COL11A2: variants seen among roughly 807,000 people sequenced by gnomAD.
COL11A2 encodes collagen type XI alpha 2 chain, also known as collagen alpha-2(XI) chain.
In COL11A2, 116 loss-of-function variants were observed where a neutral mutation model predicts 273.4. That is an observed-to-expected ratio of 0.42 (90% CI 0.36 to 0.49). The LOEUF is 0.49. COL11A2 is among the 20% of genes least tolerant of loss of function. The probability of loss-of-function intolerance (pLI) is 0.00; values close to 1 mark genes in which losing one functional copy is unlikely to be tolerated. For missense variants in COL11A2, 1,866 were observed against 2,309.0 expected, an observed-to-expected ratio of 0.81 and a Z score of 3.93; for synonymous variants, 782 against 864.2, an observed-to-expected ratio of 0.90 and a Z score of 1.67.
At chr6:33,174,436 G>A in intron 31 of COL11A2, 91 bp downstream of exon 31, 1 of 1,523,636 alleles carries the variant, frequency 6.6e-7, no homozygotes, top group Non-Finnish European at 9.0e-7. Context: ...GTCCCCCACT[G>A]CCCTGCATCT....
rs1465511059 is a variant in COL11A2, at chr6:33,179,264, G to C, written c.1524C>G (p.Gly508=). ...CTAAGTCTCCAGACTCTCCTTTCAG[G>C]CCAGGGCTCCCAGGTTGGCCCTGGG... is the stretch of plus-strand genomic sequence containing the variant. ...PGPLGQPGSP[G]LKGESGDLGP... is the part of the protein sequence containing the mutation. Residue 508 remains glycine (G), a synonymous_variant, in exon 15 of 66, where the codon GGC becomes GGG. Transcript: ENST00000341947. This position sits in a 1 kb window ranked among gnomAD's most constrained non-coding sequence, Gnocchi z 6.4. The C allele has an allele frequency of 6.2e-7, 1 of 1,611,500 alleles. No homozygotes were observed. Among genetic ancestry groups the C allele is most frequent in the South Asian group, 1.1e-5 (1 of 90,304 alleles).
Position 33,179,037 on chromosome 6 carries a change from C to T in COL11A2, c.1611+36G>A. On this transcript the variant is annotated intron_variant, in intron 16 of 65. Transcript: ENST00000341947. This position sits in a 1 kb window ranked among gnomAD's most constrained non-coding sequence, Gnocchi z 6.4. Reference sequence around the variant, plus strand: ...CAGTCCCCTACCCTGCAGGCCCTGTCTCCCCACAACACCCATCCACCCCTG... The same window carrying T: ...CAGTCCCCTACCCTGCAGGCCCTGTTTCCCCACAACACCCATCCACCCCTG... 6.2e-7 allele frequency: 1 copy of T among 1,614,094 alleles called. No homozygotes were observed. The highest frequency in any genetic ancestry group is 8.5e-7 in the Non-Finnish European group (1 of 1,179,966).
At position 33,165,805 on chromosome 6, in the gene COL11A2, G is replaced by T. The variant is rs576235181; in HGVS notation, c.4494C>A (p.Gly1498=). ...QGPPGHPGPP[G]EVIQPLPIQM... ...GAATGGGCAGTGGCTGGATCACCTC[G>T]CCTGGGGGACCCTGGGTGCAGGGAC... The change falls in exon 63 of 66, where the codon GGC becomes GGA. Residue 1498 remains glycine, a synonymous_variant. Coordinates refer to ENST00000341947, the MANE Select transcript of COL11A2 (RefSeq NM_080680.3). The surrounding 1 kb of genome is among the most constrained non-coding windows in gnomAD (Gnocchi z 7.7). 2 of 1,613,454 alleles carry T rather than the reference G, an allele frequency of 1.2e-6. No individual in the cohort carries two copies. Among genetic ancestry groups the T allele is most frequent in the South Asian group, 1.1e-5 (1 of 91,072 alleles).
In COL11A2 at chr6:33,165,749, T is replaced by C. The variant is rs1769033329; in HGVS notation, c.4550A>G (p.Asp1517Gly). 6.2e-7 allele frequency: 1 copy of C among 1,611,976 alleles called. No homozygotes were observed. Among genetic ancestry groups the C allele is most frequent in the Non-Finnish European group, 8.5e-7 (1 of 1,179,916 alleles). Reference protein sequence around the residue: ...QMPKKTRRSVDGSRLMQEDEA... With the variant: ...QMPKKTRRSVGGSRLMQEDEA... ...ATCTTCCTGCATCAGACGGCTTCCATCCACCGAGCGCCGAGTCTTCTTGGG... is the reference window on the plus strand; with the variant it reads ...ATCTTCCTGCATCAGACGGCTTCCACCCACCGAGCGCCGAGTCTTCTTGGG... Residue 1517 changes from aspartate to glycine, a missense_variant, in exon 63 of 66, where the codon GAT (aspartate) becomes GGT (glycine). By Grantham distance (94) the Asp-to-Gly change is moderately conservative. Transcript: ENST00000341947. The surrounding 1 kb of genome is among the most constrained non-coding windows in gnomAD (Gnocchi z 7.7).
chr6:33,167,588 G>C lies in COL11A2; in HGVS notation c.4015-55C>G, dbSNP rs1769354098. On this transcript the variant is annotated intron_variant, in intron 55 of 65. Coordinates refer to ENST00000341947, the MANE Select transcript of COL11A2 (RefSeq NM_080680.3). The surrounding 1 kb of genome is among the most constrained non-coding windows in gnomAD (Gnocchi z 6.1). Reference sequence around the variant, plus strand: ...ATGGCAGAGGAGTGGGGTGTGGGCAGGGGGCAGAGGGTCCAAGGTGGGAGG... The same window carrying C: ...ATGGCAGAGGAGTGGGGTGTGGGCACGGGGCAGAGGGTCCAAGGTGGGAGG... The C allele has an allele frequency of 6.3e-7, 1 of 1,591,010 alleles. No individual in the cohort carries two copies. Among genetic ancestry groups the C allele is most frequent in the Admixed American group, 1.7e-5 (1 of 58,712 alleles).
At position 33,186,800 on chromosome 6, in the gene COL11A2, C is replaced by T. The variant is rs1005666910; in HGVS notation, c.625G>A (p.Ala209Thr). ...EVFEGDVQEL[A>T]IVPGVQAAYE... ...GCTGCCTGGACCCCTGGGACAATGG[C>T]CAGCTCCTGGACATCACCCTGCAAA... Residue 209 changes from alanine to threonine, a missense_variant, in exon 5 of 66, where the codon GCC (alanine) becomes ACC (threonine). Physicochemically the swap from Ala to Thr is moderately conservative, Grantham distance 58. Transcript: ENST00000341947. 1.2e-6 allele frequency: 2 copies of T among 1,613,970 alleles called. No homozygotes were observed. Among genetic ancestry groups the T allele is most frequent in the Non-Finnish European group, 8.5e-7 (1 of 1,180,024 alleles).
At chr6:33,186,054 C>T (rs1322914020) in intron 5 of COL11A2, among the ~76,000 whole-genome samples, 1 of 151,888 alleles carries the variant, frequency 6.6e-6, no homozygotes, top group Non-Finnish European at 1.5e-5. Context: ...ACCCCAGAGC[C>T]TATCTGTATT....
In COL11A2 at chr6:33,173,836, G is replaced by A. The variant is rs1212049743; in HGVS notation, c.2583+37C>T. 1.2e-6 allele frequency: 2 copies of A among 1,613,298 alleles called. No homozygotes were observed. The highest frequency in any genetic ancestry group is 3.3e-5 in the Admixed American group (2 of 60,016). On this transcript the variant is annotated intron_variant, in intron 34 of 65. Transcript: ENST00000341947. The surrounding 1 kb of genome is among the most constrained non-coding windows in gnomAD (Gnocchi z 6.3). ...GTTGAGGGAGAGCTGGGGCTGAGTG[G>A]GCAGGGGGCAGTTGGAGCCTTGTAG...
Position 33,163,497 on chromosome 6 carries a change from C to G in COL11A2, c.*181G>C. Reference sequence around the variant, plus strand: ...CAAGAGCCCCAGATGCCACTCCTCCCGTGGGGTGTCCAGGCAACCACTTCA... The same window carrying G: ...CAAGAGCCCCAGATGCCACTCCTCCGGTGGGGTGTCCAGGCAACCACTTCA... On this transcript the variant is annotated 3_prime_UTR_variant, in exon 66 of 66. Transcript: ENST00000341947. This position sits in a 1 kb window ranked among gnomAD's most constrained non-coding sequence, Gnocchi z 4.1. 1.2e-6 allele frequency: 1 copy of G among 818,246 alleles called. No homozygotes were observed. Among genetic ancestry groups the G allele is most frequent in the Non-Finnish European group, 2.0e-6 (1 of 508,034 alleles). 50.7% of individuals were successfully genotyped at this position (818,246 alleles called of 1,614,324 possible). A position where few individuals can be genotyped will look rare whatever the true frequency, so the allele number is the denominator to read the frequency against.
chr6:33,175,566 C>A lies in COL11A2; in HGVS notation c.2376+8G>T, dbSNP rs1390593412. The A allele has an allele frequency of 6.2e-7, 1 of 1,611,676 alleles. No individual in the cohort carries two copies. The highest frequency in any genetic ancestry group is 8.5e-7 in the Non-Finnish European group (1 of 1,179,194). On this transcript the variant is annotated splice_region_variant and intron_variant, in intron 30 of 65. Transcript: ENST00000341947. ...GAGGACCCAGGCACAGAACCCTCAT[C>A]CCATCACCTTCTCGCCCATGAGCCC...
In COL11A2 at chr6:33,189,419, C is replaced by T. The variant is rs776686881; in HGVS notation, c.133G>A (p.Asp45Asn). 3.7e-6 allele frequency: 6 copies of T among 1,613,142 alleles called. No homozygotes were observed. In the Admixed American group the frequency reaches 5.0e-5, roughly 13 times the overall value. The change falls in exon 2 of 66, where the codon GAT becomes AAT. Residue 45 changes from aspartate (D) to asparagine (N), a missense_variant. Asp to Asn is a conservative substitution (Grantham distance 23, BLOSUM62 1). Coordinates refer to ENST00000341947, the MANE Select transcript of COL11A2 (RefSeq NM_080680.3). The surrounding 1 kb of genome is among the most constrained non-coding windows in gnomAD (Gnocchi z 5.6). The part of the protein sequence containing the change: ...LRALRFPSLP[D>N]GVRRAKGICP... ...ATGCCTTTCGCTCTCCGGACACCATCAGGGAGGGAGGGGAACCTCAGGGCC... is the reference window on the plus strand; with the variant it reads ...ATGCCTTTCGCTCTCCGGACACCATTAGGGAGGGAGGGGAACCTCAGGGCC...
At position 33,164,176 on chromosome 6, in the gene COL11A2, C is replaced by A; in HGVS notation, c.5070+91G>T. On this transcript the variant is annotated intron_variant, in intron 65 of 65. Transcript: ENST00000341947. The surrounding 1 kb of genome is among the most constrained non-coding windows in gnomAD (Gnocchi z 4.7). ...CAGCAGGACGGACTCCTCCCTGCTCCCCCTGGGTGCCCTGCCCAAGGGGTC... is the reference window on the plus strand; with the variant it reads ...CAGCAGGACGGACTCCTCCCTGCTCACCCTGGGTGCCCTGCCCAAGGGGTC... 1.4e-6 allele frequency: 2 copies of A among 1,448,088 alleles called. No individual in the cohort carries two copies. Among genetic ancestry groups the A allele is most frequent in the Non-Finnish European group, 1.9e-6 (2 of 1,058,522 alleles). 89.7% of individuals were successfully genotyped at this position (1,448,088 alleles called of 1,614,324 possible). A position where few individuals can be genotyped will look rare whatever the true frequency, so the allele number is the denominator to read the frequency against.
intron 8 of COL11A2, among the ~76,000 whole-genome samples, chr6:33,182,646 G>A (rs1021114463): frequency 1.4e-4 from 22 of 152,142 alleles, no homozygotes; most frequent in Non-Finnish European, 2.8e-4. Context: ...AGGAGGCAGA[G>A]GTTGCAGTAA....
In COL11A2 at chr6:33,169,442, C is replaced by G. The variant is rs750311375; in HGVS notation, c.3739G>C (p.Glu1247Gln). 1.2e-6 allele frequency: 2 copies of G among 1,613,018 alleles called. No individual in the cohort carries two copies. The highest frequency in any genetic ancestry group is 8.5e-7 in the Non-Finnish European group (1 of 1,180,028). Residue 1247 changes from glutamate to glutamine, a missense_variant, in exon 51 of 66, where the codon GAG (glutamate) becomes CAG (glutamine). Transcript: ENST00000341947. This position sits in a 1 kb window ranked among gnomAD's most constrained non-coding sequence, Gnocchi z 5.5. ...GEKGESGQPG[E>Q]PGPPGPKGPT... Reference sequence around the variant, plus strand: ...CCTTTAGGCCCTGGTGGCCCTGGCTCTCCTGGCTGCCCCGACTCTCCTTTC... The same window carrying G: ...CCTTTAGGCCCTGGTGGCCCTGGCTGTCCTGGCTGCCCCGACTCTCCTTTC...
At position 33,164,483 on chromosome 6, in the gene COL11A2, G is replaced by C. The variant is rs757915312; in HGVS notation, c.4864-10C>G. 3.9e-6 allele frequency: 6 copies of C among 1,529,494 alleles called. No individual in the cohort carries two copies. The Admixed American group carries it at 1.2e-4, about 31-fold the overall frequency. The allele number at this position is 1,529,494 out of a possible 1,614,324, so 94.7% of individuals were successfully genotyped here. A position where few individuals can be genotyped will look rare whatever the true frequency, so the allele number is the denominator to read the frequency against. ...AGTCCACGTAAGAGAACTGGAAGGA[G>C]AGAGAGGGCTGGCCTCAGAGGGGGA... On this transcript the variant is annotated splice_polypyrimidine_tract_variant and intron_variant, in intron 64 of 65. Transcript: ENST00000341947. The surrounding 1 kb of genome is among the most constrained non-coding windows in gnomAD (Gnocchi z 4.7).
chr6:33,177,220 A>G lies in COL11A2; in HGVS notation c.1977T>C (p.Leu659=). The change falls in exon 24 of 66, where the codon CTT becomes CTC. Residue 659 remains leucine (L), a synonymous_variant. Transcript: ENST00000341947. The surrounding 1 kb of genome is among the most constrained non-coding windows in gnomAD (Gnocchi z 5.9). ...GGCCGATGGCACCCTGGGGCCCGGG[A>G]AGACCCTACATACAGGGAAAGAGAA... ...GQQGTPGTQG[L]PGPQGAIGPH... 6.2e-7 allele frequency: 1 copy of G among 1,612,980 alleles called. No individual in the cohort carries two copies. The highest frequency in any genetic ancestry group is 8.5e-7 in the Non-Finnish European group (1 of 1,179,998).
chr6:33,184,860 G>A, intron 7 of COL11A2, 132 bp downstream of exon 7: 1 of 741,770 alleles, frequency 1.3e-6, no homozygotes, highest in Non-Finnish European at 2.4e-6. Flanking sequence ...AAAGACAGAG[G>A]CCATCGATGG....
chr6:33,177,399 G>A lies in COL11A2; in HGVS notation c.1971+13C>T. Reference sequence around the variant, plus strand: ...TCATGAAAATTGGGGAACGGAGTAGGGGCACCGCTCACCTGGGTCCCAGGG... The same window carrying A: ...TCATGAAAATTGGGGAACGGAGTAGAGGCACCGCTCACCTGGGTCCCAGGG... On this transcript the variant is annotated intron_variant, in intron 23 of 65. Transcript: ENST00000341947. This position sits in a 1 kb window ranked among gnomAD's most constrained non-coding sequence, Gnocchi z 5.9. 5 of 1,612,806 alleles carry A rather than the reference G, an allele frequency of 3.1e-6. No individual in the cohort carries two copies. The highest frequency in any genetic ancestry group is 3.4e-6 in the Non-Finnish European group (4 of 1,179,906).
chr6:33,186,813 A>G lies in COL11A2; in HGVS notation c.612T>C (p.Asp204=). The G allele has an allele frequency of 6.2e-7, 1 of 1,614,108 alleles. No homozygotes were observed. Among genetic ancestry groups the G allele is most frequent in the South Asian group, 1.1e-5 (1 of 91,082 alleles). The change falls in exon 5 of 66, where the codon GAT becomes GAC. Residue 204 remains aspartate, a synonymous_variant. Coordinates refer to ENST00000341947, the MANE Select transcript of COL11A2 (RefSeq NM_080680.3). The stretch of plus-strand genomic sequence containing the variant: ...CTGGGACAATGGCCAGCTCCTGGAC[A>G]TCACCCTGCAAAGACATGAGAGAGA... ...RILDEEVFEG[D]VQELAIVPGV... is the part of the protein sequence containing the mutation.
Sources: gnomAD v4.1 joint callset for allele counts (sites outside exome capture counted in the v4.1 genomes callset) on GRCh38, gnomAD v4.1.1 for gene constraint, Gnocchi (gnomAD v3.1) non-coding constraint, MANE v1.5 for transcripts, NCBI Gene and HGNC (gene_info 2026-07-23, HGNC 2026-07-21) for gene names.